SPATA17: variants seen among roughly 807,000 people sequenced by gnomAD.
SPATA17 encodes spermatogenesis associated 17.
A neutral mutation model predicts 62.2 loss-of-function variants in SPATA17; 53 were observed. The observed-to-expected ratio is 0.85, with a 90% CI of 0.68 to 1.07. SPATA17 has a LOEUF of 1.07. SPATA17 is among the 50% of genes least tolerant of loss of function. The probability of loss-of-function intolerance (pLI) is 0.00; values close to 1 mark genes in which losing one functional copy is unlikely to be tolerated. For missense variants in SPATA17, 466 were observed against 425.5 expected (o/e 1.10, Z -0.84); for synonymous variants, 146 against 146.8 (o/e 0.99, Z 0.04).
At chr1:217,641,419 C>A (rs887076009) in intron 1 of SPATA17, among the ~76,000 whole-genome samples, 1 of 152,008 alleles carries the variant, frequency 6.6e-6, no homozygotes, top group East Asian at 1.9e-4. Flanking sequence ...GAAAAAAAAT[C>A]AATCAACAGA....
intron 5 of SPATA17, among the ~76,000 whole-genome samples, chr1:217,728,174 AAAT>A (rs1421890628): frequency 1.3e-5 from 2 of 152,178 alleles, no homozygotes; most frequent in Non-Finnish European, 2.9e-5. Context: ...GTAATGGAAG[AAAT>A]AATACTATGA....
intron 9 of SPATA17, among the ~76,000 whole-genome samples, chr1:217,845,414 C>A (rs2103008801): frequency 6.6e-6 from 1 of 152,140 alleles, no homozygotes; most frequent in South Asian, 2.1e-4. Context: ...TGCCCCATTT[C>A]CTAGTTCTCC....
At chr1:217,765,665 T>C (rs1673281941) in intron 6 of SPATA17, among the ~76,000 whole-genome samples, 1 of 151,992 alleles carries the variant, frequency 6.6e-6, no homozygotes, top group Admixed American at 6.6e-5. Flanking sequence ...TAAGATGTGT[T>C]TTATGGCCCA....
At chr1:217,672,822 G>A (rs1307102405) in intron 4 of SPATA17, among the ~76,000 whole-genome samples, 1 of 151,922 alleles carries the variant, frequency 6.6e-6, no homozygotes, top group Admixed American at 6.6e-5. Context: ...TATAGAACCT[G>A]TAACATTTTA....
chr1:217,865,436 A>C (rs535046431), intron 10 of SPATA17, among the ~76,000 whole-genome samples: 1 of 152,304 alleles, frequency 6.6e-6, no homozygotes, highest in Non-Finnish European at 1.5e-5. Context: ...TCTAAGATTT[A>C]AACCACTGAA....
chr1:217,681,328 C>T (rs1347515005), intron 4 of SPATA17, among the ~76,000 whole-genome samples: 2 of 152,086 alleles, frequency 1.3e-5, no homozygotes, highest in Non-Finnish European at 2.9e-5. Context: ...TAGTAATTCT[C>T]ATATGGGGAG....
rs868829942 is a variant in SPATA17 at position 217,839,395 on chromosome 1, G to A, written c.1006-23379G>A. Among the ~76,000 whole-genome samples the A allele has an allele frequency of 5.3e-5, 8 of 152,172 alleles. No individual in the cohort carries two copies. In the South Asian group the frequency reaches 6.2e-4, roughly 12 times the overall value. The stretch of plus-strand genomic sequence containing the variant: ...GTGTGGAATGGTCACAGCTTGTCGT[G>A]AAACTGTTCCTTCAGCTTGGATTAG... On this transcript the variant is annotated intron_variant, in intron 9 of 10. Transcript: ENST00000366933.
At chr1:217,779,250 T>G (rs1269720691) in intron 7 of SPATA17, among the ~76,000 whole-genome samples, 1 of 151,666 alleles carries the variant, frequency 6.6e-6, no homozygotes, top group African/African-American at 2.4e-5. Flanking sequence ...AAAATATGTA[T>G]TTATATATGT....
chr1:217,735,776 A>G (rs1013481091), intron 5 of SPATA17, among the ~76,000 whole-genome samples: 22 of 152,208 alleles, frequency 1.4e-4, no homozygotes, highest in African/African-American at 4.6e-4. Flanking sequence ...AATTATAAAG[A>G]TTCTGTTTTT....
intron 9 of SPATA17, among the ~76,000 whole-genome samples, chr1:217,823,359 C>A (rs1674915459): frequency 6.6e-6 from 1 of 151,894 alleles, no homozygotes; most frequent in Non-Finnish European, 1.5e-5. Flanking sequence ...CTACAAAAGT[C>A]TTTTTCTTTT....
chr1:217,803,166 C>T (rs945227923), intron 9 of SPATA17, among the ~76,000 whole-genome samples: 5 of 152,166 alleles, frequency 3.3e-5, no homozygotes, highest in African/African-American at 1.2e-4. Context: ...CCCGCCTCAG[C>T]CTCCCAAAGT....
At chr1:217,813,745 G>C (rs147352712) in intron 9 of SPATA17, among the ~76,000 whole-genome samples, 2 of 152,090 alleles carry the variant, frequency 1.3e-5, no homozygotes, top group African/African-American at 4.8e-5. Flanking sequence ...TCTAAGGACA[G>C]TAGGCTTCAG....
At chr1:217,775,256 C>T (rs1264286905) in intron 7 of SPATA17, among the ~76,000 whole-genome samples, 1 of 152,076 alleles carries the variant, frequency 6.6e-6, no homozygotes, top group Non-Finnish European at 1.5e-5. Context: ...TATTCTAAGT[C>T]CTTTGCCCAT....
intron 10 of SPATA17, among the ~76,000 whole-genome samples, chr1:217,865,374 A>C (rs1018305113): frequency 2.6e-5 from 4 of 152,152 alleles, no homozygotes; most frequent in African/African-American, 7.2e-5. Context: ...CTCTTTTAGC[A>C]TGTCTAAGTT....
intron 9 of SPATA17, among the ~76,000 whole-genome samples, chr1:217,833,914 C>T (rs1675202311): frequency 6.6e-6 from 1 of 152,076 alleles, no homozygotes; most frequent in African/African-American, 2.4e-5. Context: ...TGTTTTTGCT[C>T]TAATGGCAAC....
chr1:217,642,419 GT>G (rs1218478180), intron 1 of SPATA17, among the ~76,000 whole-genome samples: 1 of 152,166 alleles, frequency 6.6e-6, no homozygotes, highest in Non-Finnish European at 1.5e-5. Context: ...GATTTGGCTA[GT>G]GAGAGCCACT....
At chr1:217,669,825 A>G (rs1161392757) in intron 4 of SPATA17, among the ~76,000 whole-genome samples, 1 of 152,130 alleles carries the variant, frequency 6.6e-6, no homozygotes, top group Admixed American at 6.6e-5. Flanking sequence ...ATCCTTTCTG[A>G]AAGTGCTGGG....
At chr1:217,688,543 A>G (rs1054225027) in intron 5 of SPATA17, among the ~76,000 whole-genome samples, 13 of 152,214 alleles carry the variant, frequency 8.5e-5, no homozygotes, top group African/African-American at 3.1e-4. Context: ...AGACTGTCAC[A>G]TAGGTCGACA....
chr1:217,640,248 GA>G (rs1160451795), intron 1 of SPATA17, among the ~76,000 whole-genome samples: 3 of 151,828 alleles, frequency 2.0e-5, no homozygotes, highest in Non-Finnish European at 2.9e-5. Context: ...TTTAAATGTT[GA>G]ATGATAAGCA....
Sources: allele counts gnomAD v4.1 joint callset (sites outside exome capture counted in the v4.1 genomes callset), GRCh38; gene constraint gnomAD v4.1.1; transcripts MANE v1.5; gene names NCBI Gene and HGNC (gene_info 2026-07-23, HGNC 2026-07-21).